The following EPM2A variants were observed in gnomAD, a reference collection of about 807,000 sequenced individuals.
EPM2A encodes the protein EPM2A glucan phosphatase, laforin, also known as laforin.
A neutral mutation model predicts 26.5 loss-of-function variants in EPM2A; 21 were observed. The ratio of observed to expected loss-of-function variants is 0.79; its 90% CI spans 0.56 to 1.14. The LOEUF is 1.14. Ranked by LOEUF, EPM2A falls within the 50% of genes most tolerant of loss-of-function variation. EPM2A has a pLI of 0.00. For missense variants in EPM2A, 458 were observed against 440.8 expected, an observed-to-expected ratio of 1.04 and a Z score of -0.35; for synonymous variants, 217 against 177.6, an observed-to-expected ratio of 1.22 and a Z score of -1.76.
chr6:145,465,121 G>A (rs1156656760), intron 4 of EPM2A, among the ~76,000 whole-genome samples: 5 of 151,884 alleles, frequency 3.3e-5, no homozygotes, highest in Non-Finnish European at 5.9e-5. Context: ...CCAATCAGAC[G>A]TAGATTTGGT....
At chr6:145,515,275 A>T (rs1159586182) in intron 2 of EPM2A, among the ~76,000 whole-genome samples, 1 of 152,334 alleles carries the variant, frequency 6.6e-6, no homozygotes, top group South Asian at 2.1e-4. Context: ...GCCTAAGATC[A>T]ATTTTCTAGA....
chr6:145,625,922 A>C lies in EPM2A; in HGVS notation c.*1494T>G. ...ATACGCATCATAGTTTAATTAGGAA[A>C]GTAAGGGCTTTGAATCAAACCCAGC... On this transcript the variant is annotated 3_prime_UTR_variant, in exon 4 of 4. Transcript: ENST00000367519. 3.6e-6 allele frequency: 5 copies of C among 1,399,468 alleles called. No homozygotes were observed. The highest frequency in any genetic ancestry group is 4.7e-6 in the Non-Finnish European group (5 of 1,066,438). 86.7% of individuals were successfully genotyped at this position (1,399,468 alleles called of 1,614,324 possible).
At chr6:145,495,527 T>A (rs192146611) in intron 4 of EPM2A, among the ~76,000 whole-genome samples, 16 of 152,306 alleles carry the variant, frequency 1.1e-4, no homozygotes, top group Non-Finnish European at 7.3e-5. Flanking sequence ...GATCCTGTCA[T>A]CATGATGCTA....
chr6:145,511,674 C>T lies in EPM2A; in HGVS notation c.341-9099G>A, dbSNP rs1462709369. Among the ~76,000 whole-genome samples the T allele has an allele frequency of 2.6e-5, 4 of 152,132 alleles. No homozygotes were observed. In the East Asian group the frequency reaches 7.7e-4, roughly 29 times the overall value. On this transcript the variant is annotated intron_variant, in intron 2 of 3. Coordinates refer to the EPM2A transcript ENST00000450221. ...AATGGGGAAAAGTTGAAAGCAAGCT[C>T]CAGTTCTTGTCCCCTAAGAAGTGAG... is the stretch of plus-strand genomic sequence containing the variant.
At chr6:145,447,460 A>G (rs1269971994) in intron 4 of EPM2A, among the ~76,000 whole-genome samples, 1 of 152,016 alleles carries the variant, frequency 6.6e-6, no homozygotes, top group African/African-American at 2.4e-5. Flanking sequence ...TACATCTGCT[A>G]ATTGGTGCCT....
At chr6:145,689,355 T>C (rs540748838) in intron 1 of EPM2A, among the ~76,000 whole-genome samples, 4 of 152,164 alleles carry the variant, frequency 2.6e-5, no homozygotes, top group Non-Finnish European at 4.4e-5. Flanking sequence ...ATGGAATAAA[T>C]GTACTTTTCC....
intron 4 of EPM2A, among the ~76,000 whole-genome samples, chr6:145,449,396 A>G (rs1779168269): frequency 6.6e-6 from 1 of 152,178 alleles, no homozygotes; most frequent in Admixed American, 6.5e-5. Context: ...TTTTATTTAC[A>G]CAGAAAAGTT....
chr6:145,671,264 C>A, intron 2 of EPM2A: 1 of 1,049,484 alleles, frequency 9.5e-7, no homozygotes, highest in African/African-American at 1.7e-5. Context: ...TATATACTGG[C>A]CATAAAATAT....
At position 145,626,255 on chromosome 6, in the gene EPM2A, G is replaced by A; in HGVS notation, c.*1161C>T. ...AAAGTTGTTCATCTCTGTATTTCCT[G>A]TAGAACCTAGGGTGATGAGCTGCAT... On this transcript the variant is annotated 3_prime_UTR_variant, in exon 4 of 4. Coordinates refer to ENST00000367519, the MANE Select transcript of EPM2A (RefSeq NM_005670.4). The A allele has an allele frequency of 1.0e-6, 1 of 990,892 alleles. No individual in the cohort carries two copies. Among genetic ancestry groups the A allele is most frequent in the East Asian group, 1.1e-4 (1 of 9,070 alleles). The allele number at this position is 990,892 out of a possible 1,614,324, so 61.4% of individuals were successfully genotyped here. A position where few individuals can be genotyped will look rare whatever the true frequency, so the allele number is the denominator to read the frequency against.
At chr6:145,596,651 T>C (rs996054305) in intron 2 of EPM2A, among the ~76,000 whole-genome samples, 1 of 152,106 alleles carries the variant, frequency 6.6e-6, no homozygotes, top group Admixed American at 6.6e-5. Context: ...TTATTTTCTA[T>C]TAATGGCTTC....
At position 145,665,835 on chromosome 6, in the gene EPM2A, C is replaced by T. The variant is rs369072153; in HGVS notation, c.476+20287G>A. On this transcript the variant is annotated intron_variant, in intron 2 of 3. Transcript: ENST00000367519. ...TCCACCATGATCAAGTGGGCTTCAT[C>T]CCTGGGATGCAAGGCTGGTTCAATA... Among the ~76,000 whole-genome samples, 532 of 141,938 alleles carry T rather than the reference C, an allele frequency of 3.7e-3. 17 individuals are homozygous for T. In the East Asian group the frequency reaches 0.072, roughly 19 times the overall value. 93.1% of individuals were successfully genotyped at this position (141,938 alleles called of 152,430 possible). A position where few individuals can be genotyped will look rare whatever the true frequency, so the allele number is the denominator to read the frequency against.
chr6:145,488,063 A>T (rs1261544989), intron 4 of EPM2A, among the ~76,000 whole-genome samples: 1 of 133,124 alleles, frequency 7.5e-6, no homozygotes, highest in African/African-American at 2.7e-5. Flanking sequence ...AGCACCATTT[A>T]TTGAATAGGG....
chr6:145,656,222 A>C (rs1369876310), intron 2 of EPM2A, among the ~76,000 whole-genome samples: 1 of 152,232 alleles, frequency 6.6e-6, no homozygotes, highest in Non-Finnish European at 1.5e-5. Context: ...TCACATTTTG[A>C]ATAAAGCATC....
chr6:145,478,134 A>G (rs1779564708), intron 4 of EPM2A, among the ~76,000 whole-genome samples: 1 of 151,966 alleles, frequency 6.6e-6, no homozygotes, highest in Admixed American at 6.6e-5. Flanking sequence ...ATATGCCAAC[A>G]ATGAAAAATG....
At chr6:145,398,663 C>T (rs974764989) in intron 4 of EPM2A, among the ~76,000 whole-genome samples, 3 of 151,922 alleles carry the variant, frequency 2.0e-5, no homozygotes, top group Non-Finnish European at 4.4e-5. Context: ...AGTTCAAGAC[C>T]CGCCTCACCA....
intron 2 of EPM2A, among the ~76,000 whole-genome samples, chr6:145,665,999 T>A (rs1029385683): frequency 1.4e-5 from 2 of 146,656 alleles, no homozygotes; most frequent in Non-Finnish European, 1.5e-5. Context: ...AAATTAGGTA[T>A]TGATGGGACG....
rs1319016567 is a variant in EPM2A at position 145,686,197 on chromosome 6, C to G, written c.401G>C (p.Gly134Ala). Residue 134 changes from glycine to alanine, a missense_variant, in exon 2 of 4, where the codon GGG becomes GCG. Coordinates refer to ENST00000367519, the MANE Select transcript of EPM2A (RefSeq NM_005670.4). ...LPIGHWIEAT[G>A]HTNEMKHTTD... ...TGTGTGCTTCATTTCATTGGTGTGC[C>G]CAGTGGCCTCAATCCAGTGTCCTAT... The G allele has an allele frequency of 1.9e-6, 3 of 1,613,570 alleles. No individual in the cohort carries two copies. The highest frequency in any genetic ancestry group is 2.5e-6 in the Non-Finnish European group (3 of 1,179,728).
At chr6:145,711,898 T>C (rs1440893203) in intron 1 of EPM2A, among the ~76,000 whole-genome samples, 1 of 152,096 alleles carries the variant, frequency 6.6e-6, no homozygotes, top group Non-Finnish European at 1.5e-5. Flanking sequence ...GTTTCAAAAT[T>C]TTTTGGAACT....
chr6:145,389,803 C>T (rs1391386372), intron 4 of EPM2A, among the ~76,000 whole-genome samples: 1 of 152,034 alleles, frequency 6.6e-6, no homozygotes, highest in African/African-American at 2.4e-5. Context: ...CAACCTGGAC[C>T]CTCCTCCCCA....
Sources: allele counts gnomAD v4.1 joint callset (sites outside exome capture counted in the v4.1 genomes callset), GRCh38; gene constraint gnomAD v4.1.1; transcripts MANE v1.5; gene names NCBI Gene and HGNC (gene_info 2026-07-23, HGNC 2026-07-21).